Variants in ZNF765 observed in about 807,000 individuals in gnomAD.
ZNF765 encodes zinc finger protein 765.
In ZNF765, 37 loss-of-function variants were observed where a neutral mutation model predicts 44.7. The observed-to-expected ratio is 0.83, with a 90% confidence interval of 0.64 to 1.09. The LOEUF (loss-of-function observed/expected upper bound fraction) is 1.09, where lower values mean the gene tolerates loss of function less well. Ranked by LOEUF, ZNF765 falls within the 50% of genes least tolerant of loss-of-function variation. The pLI, the probability that ZNF765 is intolerant of heterozygous loss-of-function variation, is 0.00. For missense variants in ZNF765, 594 were observed against 626.1 expected, an observed-to-expected ratio of 0.95 and a Z score of 0.55; for synonymous variants, 201 against 213.7, an observed-to-expected ratio of 0.94 and a Z score of 0.52.
chr19:53,399,157 C>A (rs1170773958), intron 2 of ZNF765, among the ~76,000 whole-genome samples: 1 of 151,736 alleles, frequency 6.6e-6, no homozygotes. Flanking sequence ...CATATGTATA[C>A]ATGTGCCATA....
chr19:53,399,513 A>T (rs1423140100), intron 2 of ZNF765, among the ~76,000 whole-genome samples: 1 of 151,980 alleles, frequency 6.6e-6, no homozygotes, highest in African/African-American at 2.4e-5. Context: ...TTGAAAAAAA[A>T]ATAACTTTTT....
chr19:53,403,664 C>T (rs1388516440), intron 3 of ZNF765, among the ~76,000 whole-genome samples: 3 of 152,088 alleles, frequency 2.0e-5, no homozygotes, highest in Admixed American at 6.6e-5. Context: ...CCTAACATGG[C>T]GAAACTCCGT....
At chr19:53,396,255 T>A (rs1232499857) in intron 1 of ZNF765, among the ~76,000 whole-genome samples, 4 of 150,954 alleles carry the variant, frequency 2.6e-5, no homozygotes, top group African/African-American at 9.9e-5. Context: ...GATGAGGGTA[T>A]AACAGGGAAG....
chr19:53,398,001 G>A lies in ZNF765; in HGVS notation c.-15G>A, dbSNP rs1289687694. 2.5e-6 allele frequency: 4 copies of A among 1,613,330 alleles called. No homozygotes were observed. Among genetic ancestry groups the A allele is most frequent in the South Asian group, 2.2e-5 (2 of 91,062 alleles). On this transcript the variant is annotated 5_prime_UTR_variant, in exon 2 of 4. Transcript: ENST00000396408. The stretch of plus-strand genomic sequence containing the variant: ...AGAAACCTGGAAGAGGAAGAGGAAA[G>A]CAAAGGAGTCAGGGATGGCTCTTCC...
chr19:53,412,130 A>AT, downstream of ZNF765: 1 of 303,100 alleles, frequency 3.3e-6, no homozygotes, highest in Non-Finnish European at 6.4e-6. Context: ...AAGGCATTCC[A>AT]TTTTCCCTAC....
intron 3 of ZNF765, among the ~76,000 whole-genome samples, chr19:53,407,390 T>C (rs1259986253): frequency 6.6e-6 from 1 of 152,230 alleles, no homozygotes; most frequent in Admixed American, 6.5e-5. Flanking sequence ...GACAGTGATA[T>C]GTTTTTTACA....
At position 53,400,783 on chromosome 19, in the gene ZNF765, T is replaced by TACAC. The variant is rs1555831214; in HGVS notation, c.16-1278_16-1275dup. On this transcript the variant is annotated intron_variant, in intron 2 of 3. Transcript: ENST00000396408. Reference sequence around the variant, plus strand: ...GTTGACATATATATATATATATATATACACACATACATAAAATGGATTTTC... The same window carrying TACAC: ...GTTGACATATATATATATATATATATACACACACACATACATAAAATGGATTTTC... 2.6e-4 allele frequency among the ~76,000 whole-genome samples: 33 copies of TACAC among 126,774 alleles called. 1 individual carries two copies. Among genetic ancestry groups the TACAC allele is most frequent in the African/African-American group, 7.4e-4 (25 of 33,878 alleles). The allele number at this position is 126,774 out of a possible 152,430, so 83.2% of individuals were successfully genotyped here.
chr19:53,396,520 G>A (rs946510624), intron 1 of ZNF765, among the ~76,000 whole-genome samples: 19 of 152,144 alleles, frequency 1.2e-4, no homozygotes, highest in African/African-American at 3.6e-4. Context: ...CATAACTTGT[G>A]GCCTTGCATA....
chr19:53,398,130 C>A (rs2085688729), intron 2 of ZNF765, 100 bp downstream of exon 2: 2 of 1,599,812 alleles, frequency 1.3e-6, no homozygotes, highest in African/African-American at 1.3e-5. Flanking sequence ...TCTTGCCTGA[C>A]AGGTTTGCTC....
At chr19:53,419,486 A>T (rs895862405) in intron 3 of ZNF765, among the ~76,000 whole-genome samples, 1 of 152,196 alleles carries the variant, frequency 6.6e-6, no homozygotes, top group African/African-American at 2.4e-5. Flanking sequence ...GGAAGGCAAC[A>T]TTTAGGGAAC....
intron 3 of ZNF765, among the ~76,000 whole-genome samples, chr19:53,419,617 A>G (rs921042245): frequency 1.3e-5 from 2 of 152,224 alleles, no homozygotes; most frequent in Non-Finnish European, 2.9e-5. Flanking sequence ...TAAGTTGGTG[A>G]GGTGATGCAT....
At chr19:53,414,278 G>T (rs976408872), downstream of ZNF765, among the ~76,000 whole-genome samples, 4 of 140,764 alleles carry the variant, frequency 2.8e-5, no homozygotes, top group African/African-American at 7.8e-5. Flanking sequence ...AACATGGTAT[G>T]ATATAAAAAT....
intron 2 of ZNF765, 149 bp downstream of exon 2, chr19:53,398,179 CT>C: frequency 6.8e-7 from 1 of 1,480,204 alleles, no homozygotes; most frequent in Non-Finnish European, 9.3e-7. Flanking sequence ...TCTTATCTTG[CT>C]TAGATTCCAT....
At chr19:53,395,998 G>A (rs1159665875) in intron 1 of ZNF765, among the ~76,000 whole-genome samples, 7 of 144,202 alleles carry the variant, frequency 4.9e-5, no homozygotes, top group African/African-American at 1.9e-4. Context: ...AAATGTGGGG[G>A]AAAAAAAAAA....
exon 4 of ZNF765, chr19:53,425,991 A>G (rs1483598072): frequency 6.6e-6 from 1 of 152,280 alleles, no homozygotes; most frequent in Non-Finnish European, 1.5e-5. Flanking sequence ...GTCTTTATTT[A>G]TTACAATCTC....
intron 3 of ZNF765, among the ~76,000 whole-genome samples, chr19:53,421,206 A>T (rs748747635): frequency 2.6e-5 from 4 of 152,074 alleles, no homozygotes; most frequent in Non-Finnish European, 5.9e-5. Flanking sequence ...CTTACTTATG[A>T]CAGAGACACC....
chr19:53,402,629 A>T (rs989141635), intron 3 of ZNF765, among the ~76,000 whole-genome samples: 4 of 152,206 alleles, frequency 2.6e-5, no homozygotes, highest in African/African-American at 9.6e-5. Context: ...TGGTGTGATC[A>T]TGGCTCACTG....
downstream of ZNF765, among the ~76,000 whole-genome samples, chr19:53,416,698 TTAAC>T (rs1308561344): frequency 4.7e-4 from 72 of 151,826 alleles, no homozygotes; most frequent in African/African-American, 1.2e-3. Flanking sequence ...ATCAATATAA[TTAAC>T]TATACATCAA....
At chr19:53,400,766 A>ACATATATG (rs10664388) in intron 2 of ZNF765, among the ~76,000 whole-genome samples, 32 of 77,996 alleles carry the variant, frequency 4.1e-4, no homozygotes, top group African/African-American at 1.3e-3. Flanking sequence ...TTGTTGACAT[A>ACATATATG]TATATATATA....
Sources: gnomAD v4.1 joint callset for allele counts (sites outside exome capture counted in the v4.1 genomes callset) on GRCh38, gnomAD v4.1.1 for gene constraint, MANE v1.5 for transcripts, NCBI Gene and HGNC (gene_info 2026-07-23, HGNC 2026-07-21) for gene names.